USP42: variants seen among roughly 807,000 people sequenced by gnomAD.
The protein encoded by USP42 is ubiquitin carboxyl-terminal hydrolase 42.
A neutral mutation model predicts 113.0 loss-of-function variants in USP42; 23 were observed. The observed-to-expected ratio is 0.20, with a 90% CI of 0.15 to 0.29. The LOEUF (loss-of-function observed/expected upper bound fraction) is 0.29, where lower values mean the gene tolerates loss of function less well. USP42 is among the 10% of genes least tolerant of loss of function. USP42 has a pLI of 1.00. For synonymous variants in USP42, 933 were observed against 699.0 expected (o/e 1.33, Z -5.28); for missense variants, 2,174 against 1,779.8 (o/e 1.22, Z -3.99).
rs183889223 is a variant in USP42, at chr7:6,112,542, C to G, written c.241+1168C>G. 9.1e-4 allele frequency among the ~76,000 whole-genome samples: 138 copies of G among 152,198 alleles called. 1 individual carries two copies. Among genetic ancestry groups the G allele is most frequent in the African/African-American group, 3.3e-3 (136 of 41,514 alleles). ...TGTGGTTACATTCGTTAAAACTCATCCAGATAAATGAGACAGTAACACTTT... is the reference window on the plus strand; with the variant it reads ...TGTGGTTACATTCGTTAAAACTCATGCAGATAAATGAGACAGTAACACTTT... On this transcript the variant is annotated intron_variant, in intron 2 of 17. Transcript: ENST00000306177.
At chr7:6,110,110 A>C (rs953367074) in intron 1 of USP42, among the ~76,000 whole-genome samples, 3 of 151,748 alleles carry the variant, frequency 2.0e-5, no homozygotes, top group African/African-American at 7.3e-5. Flanking sequence ...CTGCAATTAT[A>C]GGCATGAGCC....
chr7:6,121,449 A>G (rs1442937954), intron 3 of USP42, among the ~76,000 whole-genome samples: 2 of 151,718 alleles, frequency 1.3e-5, no homozygotes, highest in Non-Finnish European at 2.9e-5. Context: ...ATTAGCCTAT[A>G]GTTTCTTATA....
chr7:6,105,321 CT>C (rs971444908), intron 1 of USP42, among the ~76,000 whole-genome samples: 4 of 147,894 alleles, frequency 2.7e-5, no homozygotes, highest in South Asian at 4.1e-4. Flanking sequence ...CCGGGCCCCC[CT>C]GGTTGCCATG....
the USP42 span, among the ~76,000 whole-genome samples, chr7:6,091,751 A>T: frequency 3.3e-5 from 5 of 149,406 alleles, no homozygotes; most frequent in African/African-American, 1.0e-4. Context: ...TGGTAAAAAA[A>T]TTTTTTTGGA....
At chr7:6,137,943 T>C (rs1781234726) in intron 4 of USP42, among the ~76,000 whole-genome samples, 1 of 152,176 alleles carries the variant, frequency 6.6e-6, no homozygotes, top group South Asian at 2.1e-4. Context: ...CCTCCCAAAG[T>C]GTTGGAATTA....
chr7:6,133,755 A>G (rs1780977601), intron 3 of USP42, among the ~76,000 whole-genome samples: 1 of 152,106 alleles, frequency 6.6e-6, no homozygotes, highest in Non-Finnish European at 1.5e-5. Context: ...CCTGGGCTCA[A>G]GTGGTCCGCC....
chr7:6,137,744 G>A (rs572716694), intron 4 of USP42, among the ~76,000 whole-genome samples: 1 of 152,232 alleles, frequency 6.6e-6, no homozygotes, highest in Non-Finnish European at 1.5e-5. Flanking sequence ...CAGTGGTGCA[G>A]TCTTGGCTCA....
In USP42 at chr7:6,154,148, A is replaced by T; in HGVS notation, c.2594A>T (p.Glu865Val). Residue 865 changes from glutamate to valine, a missense_variant, in exon 15 of 18, where the codon GAG becomes GTG. Glu to Val is a moderately radical substitution (Grantham distance 121). Transcript: ENST00000306177. ...LSPAPPARSE[E>V]PCEQPLLVHP... Reference sequence around the variant, plus strand: ...CCGGCTCCGCCTGCGCGGTCGGAGGAGCCCTGCGAGCAGCCACTCCTTGTT... The same window carrying T: ...CCGGCTCCGCCTGCGCGGTCGGAGGTGCCCTGCGAGCAGCCACTCCTTGTT... 1 of 1,594,698 alleles carries T rather than the reference A, an allele frequency of 6.3e-7. No individual in the cohort carries two copies.
Position 6,143,000 on chromosome 7 carries a change from G to A in USP42, c.864G>A (p.Ser288=), listed in dbSNP as rs376220078. Residue 288 remains serine, a synonymous_variant, in exon 8 of 18, where the codon TCG becomes TCA. Transcript: ENST00000306177. ...VKPEQLDGEN[S]YKCSKCKKMV... is the part of the protein sequence containing the mutation. Reference sequence around the variant, plus strand: ...CGGAACAGCTTGATGGAGAAAACTCGTACAAGTGCAGCAAGTACGTTGGGT... The same window carrying A: ...CGGAACAGCTTGATGGAGAAAACTCATACAAGTGCAGCAAGTACGTTGGGT... The A allele has an allele frequency of 2.6e-5, 42 of 1,613,822 alleles. No homozygotes were observed. The highest frequency in any genetic ancestry group is 1.6e-4 in the Middle Eastern group (1 of 6,084).
At chr7:6,082,374 T>C in the USP42 span, among the ~76,000 whole-genome samples, 1 of 152,120 alleles carries the variant, frequency 6.6e-6, no homozygotes, top group African/African-American at 2.4e-5. Context: ...GTGATCCGCC[T>C]GCCTTGGCCT....
the USP42 span, among the ~76,000 whole-genome samples, chr7:6,085,852 A>G: frequency 2.0e-5 from 3 of 150,416 alleles, 1 homozygote; most frequent in African/African-American, 7.5e-5. Flanking sequence ...TGACCTTGTG[A>G]TCTGCCCGCC....
chr7:6,081,537 AC>A, the USP42 span: 1 of 151,874 alleles, frequency 6.6e-6, no homozygotes, highest in African/African-American at 2.4e-5. Flanking sequence ...GACCCGCCCC[AC>A]CCACGCGCGC....
At chr7:6,151,355 T>G (rs576453100) in intron 14 of USP42, among the ~76,000 whole-genome samples, 2 of 152,364 alleles carry the variant, frequency 1.3e-5, no homozygotes, top group East Asian at 3.9e-4. Flanking sequence ...TTTATAGACT[T>G]TTAATTTTAA....
chr7:6,135,317 A>G (rs1200353002), intron 3 of USP42, among the ~76,000 whole-genome samples: 1 of 152,088 alleles, frequency 6.6e-6, no homozygotes, highest in African/African-American at 2.4e-5. Context: ...TTTCTTGTGA[A>G]AGAGAGCTAA....
In USP42 at chr7:6,139,274, C is replaced by CT; in HGVS notation, c.656+86dup. The stretch of plus-strand genomic sequence containing the variant: ...TATTCTTATCAGAATTCATTTTCAC[C>CT]TTTTTTGTTGGAAGCACACAGAACA... On this transcript the variant is annotated intron_variant, in intron 5 of 17. Coordinates refer to ENST00000306177, the MANE Select transcript of USP42 (RefSeq NM_032172.3). The surrounding 1 kb of genome is among the most constrained non-coding windows in gnomAD (Gnocchi z 4.5). 8.3e-7 allele frequency: 1 copy of CT among 1,201,548 alleles called. No individual in the cohort carries two copies. Among genetic ancestry groups the CT allele is most frequent in the Non-Finnish European group, 1.2e-6 (1 of 869,096 alleles). The allele number at this position is 1,201,548 out of a possible 1,614,324, so 74.4% of individuals were successfully genotyped here. A position where few individuals can be genotyped will look rare whatever the true frequency, so the allele number is the denominator to read the frequency against.
upstream of USP42, among the ~76,000 whole-genome samples, chr7:6,103,269 G>C (rs1277739915): frequency 4.0e-5 from 6 of 151,104 alleles, no homozygotes; most frequent in Admixed American, 3.9e-4. Flanking sequence ...AAATCTGGAC[G>C]GGGTGAACAG....
intron 3 of USP42, among the ~76,000 whole-genome samples, chr7:6,119,912 G>T (rs1780120250): frequency 6.6e-6 from 1 of 152,086 alleles, no homozygotes; most frequent in Admixed American, 6.6e-5. Context: ...ATGTTGCCCA[G>T]GCTGGTCTTG....
the USP42 span, among the ~76,000 whole-genome samples, chr7:6,084,090 A>C: frequency 6.6e-6 from 1 of 151,136 alleles, no homozygotes; most frequent in Middle Eastern, 3.4e-3. Flanking sequence ...GCAGTGGCTC[A>C]ATCTCGGCTC....
rs369402298 is a variant in USP42, at chr7:6,159,857, C to CA, written c.*36+365dup. 4.2e-3 allele frequency among the ~76,000 whole-genome samples: 638 copies of CA among 152,312 alleles called. 3 individuals are homozygous for CA. The highest frequency in any genetic ancestry group is 0.015 in the African/African-American group (611 of 41,564). ...GGAGAGGCCCGGTCCCCAGCACAGGCACCTCACTCAGGAGAGCGGAGCCTT... is the reference window on the plus strand; with the variant it reads ...GGAGAGGCCCGGTCCCCAGCACAGGCAACCTCACTCAGGAGAGCGGAGCCTT... On this transcript the variant is annotated intron_variant, in intron 17 of 17. Coordinates refer to ENST00000306177, the MANE Select transcript of USP42 (RefSeq NM_032172.3). The surrounding 1 kb of genome is among the most constrained non-coding windows in gnomAD (Gnocchi z 4.1).
Sources: gnomAD v4.1 joint callset for allele counts (sites outside exome capture counted in the v4.1 genomes callset) on GRCh38, gnomAD v4.1.1 for gene constraint, Gnocchi (gnomAD v3.1) non-coding constraint, MANE v1.5 for transcripts, NCBI Gene and HGNC (gene_info 2026-07-23, HGNC 2026-07-21) for gene names.